Variants in ABI1 observed in about 807,000 individuals in gnomAD.
The protein encoded by ABI1 is abl interactor 1.
In ABI1, 14 loss-of-function variants were observed where a neutral mutation model predicts 54.6. The ratio of observed to expected loss-of-function variants is 0.26; its 90% confidence interval spans 0.17 to 0.40. ABI1 has a LOEUF of 0.40. ABI1 is among the 10% of genes least tolerant of loss of function. The pLI, the probability that ABI1 is intolerant of heterozygous loss-of-function variation, is 1.00. For missense variants in ABI1, 443 were observed against 598.3 expected (o/e 0.74, Z 2.71); for synonymous variants, 194 against 209.3 (o/e 0.93, Z 0.63).
chr10:26,802,839 A>T (rs2046646867), intron 2 of ABI1, among the ~76,000 whole-genome samples: 1 of 152,188 alleles, frequency 6.6e-6, no homozygotes, highest in South Asian at 2.1e-4. Context: ...GGCCTTTCTC[A>T]CTGCTTCCAA....
At chr10:26,827,074 T>A (rs1018581138) in intron 1 of ABI1, among the ~76,000 whole-genome samples, 1 of 151,438 alleles carries the variant, frequency 6.6e-6, no homozygotes, top group African/African-American at 2.4e-5. Context: ...CCACCATGCC[T>A]GCCTAATTTT....
chr10:26,848,125 G>T (rs2050116646), intron 1 of ABI1, among the ~76,000 whole-genome samples: 1 of 149,362 alleles, frequency 6.7e-6, no homozygotes, highest in Admixed American at 6.7e-5. Context: ...CCTGAGCCCA[G>T]GATTTCAAGG....
intron 1 of ABI1, among the ~76,000 whole-genome samples, chr10:26,837,594 A>G (rs189040681): frequency 1.4e-4 from 22 of 152,220 alleles, no homozygotes; most frequent in Non-Finnish European, 2.6e-4. Flanking sequence ...ACATATAATT[A>G]GTATTTAATT....
Position 26,748,352 on chromosome 10 carries a change from T to C in ABI1, c.*218A>G, listed in dbSNP as rs1837169841. 1.2e-5 allele frequency: 5 copies of C among 432,560 alleles called. No homozygotes were observed. The East Asian group carries it at 1.6e-4, about 14-fold the overall frequency. The allele number at this position is 432,560 out of a possible 1,614,324, so 26.8% of individuals were successfully genotyped here. On this transcript the variant is annotated 3_prime_UTR_variant, in exon 11 of 11. Coordinates refer to ENST00000376140, the MANE Select transcript of ABI1 (RefSeq NM_001012750.3). ...AAATGTGTAAGTAAGTACATAAGCA[T>C]AATCAGTTATGGACAGCTTCTTGTA...
chr10:26,770,378 T>A (rs745722168), intron 4 of ABI1, 33 bp from the exon 5 acceptor site: 1 of 1,571,536 alleles, frequency 6.4e-7, no homozygotes, highest in Non-Finnish European at 8.8e-7. Context: ...TTTATTTTTA[T>A]ATCAAATTGT....
chr10:26,848,220 A>AAAGAAG (rs752764818), intron 1 of ABI1, among the ~76,000 whole-genome samples: 2 of 139,382 alleles, frequency 1.4e-5, no homozygotes, highest in Non-Finnish European at 3.1e-5. Context: ...AAAAAAAAAA[A>AAAGAAG]AAGAAGAAGA....
chr10:26,759,386 T>C (rs1838800583), intron 7 of ABI1, 148 bp from the exon 8 acceptor site: 1 of 561,896 alleles, frequency 1.8e-6, no homozygotes, highest in South Asian at 4.9e-5. Flanking sequence ...AAAGTAAAGA[T>C]AAAAATCAGT....
Position 26,748,681 on chromosome 10 carries a change from G to T in ABI1, c.1335C>A (p.Ile445=). 1 of 1,613,216 alleles carries T rather than the reference G, an allele frequency of 6.2e-7. No individual in the cohort carries two copies. ...CATCATTCTTCTTTATAACATAAATGATTGCACCCTCCATAAATGACAGCT... is the reference window on the plus strand; with the variant it reads ...CATCATTCTTCTTTATAACATAAATTATTGCACCCTCCATAAATGACAGCT... ...DDELSFMEGA[I]IYVIKKNDDG... Residue 445 remains isoleucine, a synonymous_variant, in exon 11 of 11, where the codon ATC becomes ATA. Coordinates refer to ENST00000376140, the MANE Select transcript of ABI1 (RefSeq NM_001012750.3).
intron 9 of ABI1, among the ~76,000 whole-genome samples, chr10:26,754,839 G>T (rs927789464): frequency 2.0e-5 from 3 of 152,082 alleles, no homozygotes; most frequent in African/African-American, 7.3e-5. Context: ...GATTCACTGT[G>T]ATCATGCAGT....
At chr10:26,769,301 C>T (rs912779793) in intron 5 of ABI1, among the ~76,000 whole-genome samples, 2 of 152,070 alleles carry the variant, frequency 1.3e-5, no homozygotes, top group Non-Finnish European at 2.9e-5. Context: ...TTAAAATGTA[C>T]ATTTTTCTCA....
At chr10:26,832,086 C>A (rs1054503533) in intron 1 of ABI1, among the ~76,000 whole-genome samples, 1 of 152,110 alleles carries the variant, frequency 6.6e-6, no homozygotes, top group Non-Finnish European at 1.5e-5. Context: ...AGTTAAGCCA[C>A]AAGGAAAAAC....
At chr10:26,825,789 A>G (rs1270796365) in intron 1 of ABI1, among the ~76,000 whole-genome samples, 1 of 152,248 alleles carries the variant, frequency 6.6e-6, no homozygotes, top group East Asian at 1.9e-4. Context: ...CAGCGTCTTC[A>G]GCAGGAGTAG....
At chr10:26,847,543 G>A (rs11813623) in intron 1 of ABI1, among the ~76,000 whole-genome samples, 10,321 of 152,114 alleles carry the variant, frequency 0.068, 385 homozygotes, top group East Asian at 0.14. Flanking sequence ...AGGATTGCTT[G>A]AGCCCAGGAG....
chr10:26,839,816 A>C (rs768460769), intron 1 of ABI1: 1 of 699,710 alleles, frequency 1.4e-6, no homozygotes, highest in East Asian at 2.7e-5. Flanking sequence ...TAAATCTTTA[A>C]AGTTTGCACT....
intron 2 of ABI1, among the ~76,000 whole-genome samples, chr10:26,817,019 T>TGTGTGTGTGTGTGTGTGTGA (rs747556215): frequency 2.0e-5 from 3 of 150,798 alleles, no homozygotes; most frequent in Non-Finnish European, 4.4e-5. Context: ...TGTGTGTGTG[T>TGTGTGTGTGTGTGTGTGTGA]GACGGAGTCT....
intron 2 of ABI1, chr10:26,790,725 A>G (rs1843322470): frequency 6.6e-6 from 1 of 152,182 alleles, no homozygotes; most frequent in Admixed American, 6.5e-5. Flanking sequence ...AGTTAGTCCA[A>G]TAAAAGCAAA....
intron 9 of ABI1, among the ~76,000 whole-genome samples, chr10:26,754,322 T>A (rs867012233): frequency 7.9e-5 from 12 of 152,314 alleles, no homozygotes; most frequent in African/African-American, 2.9e-4. Context: ...GCTAATTTTT[T>A]ATTTTTTTGT....
At chr10:26,749,839 C>T (rs1837389147) in intron 10 of ABI1, among the ~76,000 whole-genome samples, 2 of 152,184 alleles carry the variant, frequency 1.3e-5, no homozygotes, top group South Asian at 4.1e-4. Context: ...TTTTACGCTA[C>T]AATAGCAGGA....
chr10:26,779,791 C>T (rs1015382404), intron 2 of ABI1, among the ~76,000 whole-genome samples: 2 of 152,140 alleles, frequency 1.3e-5, no homozygotes, highest in Non-Finnish European at 2.9e-5. Flanking sequence ...GGTGGTATAA[C>T]CGTCCACTAC....
Sources: allele counts gnomAD v4.1 joint callset (sites outside exome capture counted in the v4.1 genomes callset), GRCh38; gene constraint gnomAD v4.1.1; transcripts MANE v1.5; gene names NCBI Gene and HGNC (gene_info 2026-07-23, HGNC 2026-07-21).